SLC45A4: variants seen among roughly 807,000 people sequenced by gnomAD.
SLC45A4 encodes the protein solute carrier family 45 member 4.
In SLC45A4, 32 loss-of-function variants were observed where a neutral mutation model predicts 63.7. That is an observed-to-expected ratio of 0.50 (90% CI 0.38 to 0.67). The LOEUF (loss-of-function observed/expected upper bound fraction) is 0.67. Among genes scored for constraint, SLC45A4 ranks in the 30% least tolerant of loss-of-function variants. The pLI is 0.00. For synonymous variants in SLC45A4, 535 were observed against 510.0 expected (o/e 1.05, Z -0.66); for missense variants, 1,027 against 1,157.7 (o/e 0.89, Z 1.64).
chr8:141,252,982 C>A (rs1201785020), intron 2 of SLC45A4, among the ~76,000 whole-genome samples: 6 of 127,560 alleles, frequency 4.7e-5, no homozygotes, highest in Admixed American at 8.8e-5. Flanking sequence ...CGCGAATTTC[C>A]GTGTTTTCAC....
rs138668211 is a variant in SLC45A4 at position 141,306,142 on chromosome 8, C to A, written c.-401+1954G>T. 4.5e-3 allele frequency among the ~76,000 whole-genome samples: 683 copies of A among 152,282 alleles called. 6 individuals carry two copies. The highest frequency in any genetic ancestry group is 0.016 in the African/African-American group (649 of 41,552). On this transcript the variant is annotated intron_variant, in intron 1 of 8. Coordinates refer to ENST00000517878, the MANE Select transcript of SLC45A4 (RefSeq NM_001286646.2). ...CGACAAGGGCCAAAGCTGCAGCACG[C>A]ATCTCGGCAGGGCAGCAGGCCACTC...
intron 1 of SLC45A4, among the ~76,000 whole-genome samples, chr8:141,296,515 A>AAAATT (rs2095958137): frequency 7.8e-6 from 1 of 128,014 alleles, no homozygotes; most frequent in Non-Finnish European, 1.6e-5. Context: ...AAAAAAAAAA[A>AAAATT]AAAATTAAAA....
chr8:141,279,502 A>T (rs1289935322), intron 1 of SLC45A4, among the ~76,000 whole-genome samples: 1 of 152,210 alleles, frequency 6.6e-6, no homozygotes, highest in Non-Finnish European at 1.5e-5. Flanking sequence ...GTCTTTGATG[A>T]GGGAGGCCAG....
chr8:141,300,170 C>T (rs72683521), intron 1 of SLC45A4, among the ~76,000 whole-genome samples: 18,338 of 152,148 alleles, frequency 0.12, 1,659 homozygotes, highest in East Asian at 0.43. Flanking sequence ...CAGGTTAAAA[C>T]TTCAGCCGGA....
At chr8:141,228,462 CTGTGTCCAGCT>C in intron 2 of SLC45A4, 1 of 1,370,300 alleles carries the variant, frequency 7.3e-7, no homozygotes, top group Non-Finnish European at 9.5e-7. Flanking sequence ...AGGGCCGACC[CTGTGTCCAGCT>C]TGTGGGCACC....
chr8:141,211,466 C>G lies in SLC45A4; in HGVS notation c.*106G>C, dbSNP rs373305698. On this transcript the variant is annotated 3_prime_UTR_variant, in exon 9 of 9. Coordinates refer to ENST00000517878, the MANE Select transcript of SLC45A4 (RefSeq NM_001286646.2). ...ATCACTGTCTTCTGCCCAGGCCCCC[C>G]GGACCAGCCTCCTCCCAGCTTTGGT... 6.3e-7 allele frequency: 1 copy of G among 1,598,646 alleles called. No homozygotes were observed. The highest frequency in any genetic ancestry group is 8.5e-7 in the Non-Finnish European group (1 of 1,172,280).
intron 2 of SLC45A4, among the ~76,000 whole-genome samples, chr8:141,237,791 A>G (rs759287252): frequency 3.3e-5 from 5 of 152,060 alleles, no homozygotes; most frequent in Non-Finnish European, 7.4e-5. Context: ...CGTATCTCCA[A>G]GTGAGCTGGA....
intron 2 of SLC45A4, among the ~76,000 whole-genome samples, chr8:141,236,895 TGGC>T (rs1827655003): frequency 6.6e-6 from 1 of 152,104 alleles, no homozygotes; most frequent in African/African-American, 2.4e-5. Context: ...CACTAACACA[TGGC>T]CCACAGATCA....
intron 1 of SLC45A4, among the ~76,000 whole-genome samples, chr8:141,286,748 T>G (rs1207228577): frequency 3.9e-5 from 2 of 50,982 alleles, no homozygotes; most frequent in Non-Finnish European, 8.4e-5. Flanking sequence ...GCCCCCCCGC[T>G]CCCCACCACC....
At chr8:141,246,295 C>T (rs187758645) in intron 2 of SLC45A4, among the ~76,000 whole-genome samples, 36 of 152,296 alleles carry the variant, frequency 2.4e-4, no homozygotes, top group Middle Eastern at 3.4e-3. Flanking sequence ...CACCACCCAG[C>T]GGCACCGAGC....
At chr8:141,228,975 C>T (rs557993144) in intron 2 of SLC45A4, among the ~76,000 whole-genome samples, 44 of 152,100 alleles carry the variant, frequency 2.9e-4, no homozygotes, top group Non-Finnish European at 5.3e-4. Context: ...GCCCACCTGG[C>T]GCCAGGTGCC....
intron 1 of SLC45A4, among the ~76,000 whole-genome samples, chr8:141,261,869 A>C (rs1433514457): frequency 2.6e-5 from 4 of 152,222 alleles, no homozygotes; most frequent in Non-Finnish European, 5.9e-5. Flanking sequence ...ACTGGAAAAA[A>C]CTACTTTAAA....
chr8:141,226,795 A>G (rs1827025820), intron 2 of SLC45A4: 1 of 152,284 alleles, frequency 6.6e-6, no homozygotes, highest in Non-Finnish European at 1.5e-5. Flanking sequence ...ACTCCATCTC[A>G]GTCCCCAGCA....
chr8:141,301,764 C>T (rs1830753204), intron 1 of SLC45A4, among the ~76,000 whole-genome samples: 1 of 61,738 alleles, frequency 1.6e-5, no homozygotes, highest in African/African-American at 4.9e-5. Context: ...AAAAAAAAAT[C>T]CTGGGCAACT....
intron 1 of SLC45A4, among the ~76,000 whole-genome samples, chr8:141,276,022 C>T (rs1280149995): frequency 4.0e-5 from 6 of 151,820 alleles, no homozygotes; most frequent in Non-Finnish European, 8.8e-5. Context: ...AGGCAATCCT[C>T]CCACCTCAGT....
intron 1 of SLC45A4, among the ~76,000 whole-genome samples, chr8:141,274,501 T>C (rs1353698958): frequency 1.5e-5 from 2 of 129,996 alleles, no homozygotes; most frequent in Non-Finnish European, 3.1e-5. Flanking sequence ...ACCATTGCAC[T>C]CCAGCCTGGG....
chr8:141,211,561 A>C lies in SLC45A4; in HGVS notation c.*11T>G. 6.2e-7 allele frequency: 1 copy of C among 1,613,376 alleles called. No homozygotes were observed. Among genetic ancestry groups the C allele is most frequent in the Non-Finnish European group, 8.5e-7 (1 of 1,179,964 alleles). ...TCCAACTCGCTGAGGAAAAGAAGAT[A>C]CGTCATTCTTCTAAGAGAACCACAT... On this transcript the variant is annotated 3_prime_UTR_variant, in exon 9 of 9. Coordinates refer to ENST00000517878, the MANE Select transcript of SLC45A4 (RefSeq NM_001286646.2).
intron 1 of SLC45A4, among the ~76,000 whole-genome samples, chr8:141,280,137 T>C (rs1046356220): frequency 6.6e-6 from 1 of 152,158 alleles, no homozygotes; most frequent in African/African-American, 2.4e-5. Flanking sequence ...ACACTCCACA[T>C]GCAGCCCCCT....
rs1428377057 is a variant in SLC45A4, at chr8:141,254,649, C to T, written c.-400-20G>A. Reference sequence around the variant, plus strand: ...GATGATCTGCAAAAGAGGAAAACAACCCGGCCAGAGAGTCAGGGGACGGCC... The same window carrying T: ...GATGATCTGCAAAAGAGGAAAACAATCCGGCCAGAGAGTCAGGGGACGGCC... On this transcript the variant is annotated intron_variant, in intron 1 of 8. Transcript: ENST00000517878. This position sits in a 1 kb window ranked among gnomAD's most constrained non-coding sequence, Gnocchi z 4.5. 1.4e-6 allele frequency: 1 copy of T among 697,634 alleles called. No homozygotes were observed. The highest frequency in any genetic ancestry group is 2.0e-5 in the Admixed American group (1 of 49,822). The allele number at this position is 697,634 out of a possible 1,614,324, so 43.2% of individuals were successfully genotyped here. A position where few individuals can be genotyped will look rare whatever the true frequency, so the allele number is the denominator to read the frequency against.
Sources: allele counts gnomAD v4.1 joint callset (sites outside exome capture counted in the v4.1 genomes callset), GRCh38; gene constraint gnomAD v4.1.1; non-coding constraint Gnocchi (gnomAD v3.1); transcripts MANE v1.5; gene names NCBI Gene and HGNC (gene_info 2026-07-23, HGNC 2026-07-21).